The following NRXN3 variants were observed in gnomAD, a reference collection of about 807,000 sequenced individuals.
NRXN3 encodes the protein neurexin III.
Under a neutral mutation model 137.6 loss-of-function variants are expected in NRXN3, and 32 were observed. The ratio of observed to expected loss-of-function variants is 0.23; its 90% CI spans 0.18 to 0.31. The LOEUF is 0.31. Among genes scored for constraint, NRXN3 ranks in the 10% least tolerant of loss-of-function variants. NRXN3 has a pLI of 1.00. For missense variants in NRXN3, 1,574 were observed against 2,062.5 expected (o/e 0.76, Z 4.59); for synonymous variants, 798 against 784.5 (o/e 1.02, Z -0.29).
intron 15 of NRXN3, among the ~76,000 whole-genome samples, chr14:79,239,979 A>C (rs947678925): frequency 6.6e-6 from 1 of 152,172 alleles, no homozygotes; most frequent in African/African-American, 2.4e-5. Flanking sequence ...AGAGGCAGAG[A>C]ATAGAATAGT....
intron 6 of NRXN3, among the ~76,000 whole-genome samples, chr14:78,703,131 T>G (rs2098305535): frequency 6.6e-6 from 1 of 152,226 alleles, no homozygotes; most frequent in Non-Finnish European, 1.5e-5. Flanking sequence ...AGCACCTATA[T>G]AGTTAGGAGC....
intron 6 of NRXN3, among the ~76,000 whole-genome samples, chr14:78,662,106 A>G (rs1327435478): frequency 6.6e-6 from 1 of 151,634 alleles, no homozygotes; most frequent in African/African-American, 2.4e-5. Context: ...AAACTCCTTC[A>G]AGCGATCCAT....
At chr14:78,304,594 C>T (rs369237124) in intron 4 of NRXN3, among the ~76,000 whole-genome samples, 8 of 152,214 alleles carry the variant, frequency 5.3e-5, no homozygotes, top group African/African-American at 1.7e-4. Context: ...GGCCTTCTTC[C>T]CCTTCTTCTA....
At chr14:78,340,807 G>A (rs1451310088) in intron 4 of NRXN3, among the ~76,000 whole-genome samples, 3 of 152,202 alleles carry the variant, frequency 2.0e-5, no homozygotes, top group Non-Finnish European at 4.4e-5. Flanking sequence ...TCATGGAGAG[G>A]AGAAATAGAT....
chr14:79,473,049 T>C (rs2096528849), intron 16 of NRXN3, among the ~76,000 whole-genome samples: 2 of 152,144 alleles, frequency 1.3e-5, no homozygotes, highest in South Asian at 4.1e-4. Context: ...ACAGTGAAAA[T>C]TTATGTGTTA....
chr14:79,450,857 C>G (rs1191699462), intron 15 of NRXN3, among the ~76,000 whole-genome samples: 2 of 150,402 alleles, frequency 1.3e-5, no homozygotes, highest in East Asian at 3.9e-4. Flanking sequence ...CAGAGTGAGA[C>G]TCTGTCTCAA....
At position 79,259,202 on chromosome 14, in the gene NRXN3, G is replaced by T. The variant is rs567353806; in HGVS notation, c.3263-208019G>T. On this transcript the variant is annotated intron_variant, in intron 15 of 20. Coordinates refer to ENST00000335750, the MANE Select transcript of NRXN3 (RefSeq NM_001330195.2). Reference sequence around the variant, plus strand: ...CTTAGTTTGTCCCTTGGTAGGGCAAGGAAGGTTGTGAGCTTTTGTTCGTGA... The same window carrying T: ...CTTAGTTTGTCCCTTGGTAGGGCAATGAAGGTTGTGAGCTTTTGTTCGTGA... Among the ~76,000 whole-genome samples, 59 of 152,304 alleles carry T rather than the reference G, an allele frequency of 3.9e-4. 1 individual carries two copies. The highest frequency in any genetic ancestry group is 1.3e-3 in the African/African-American group (53 of 41,558).
intron 16 of NRXN3, among the ~76,000 whole-genome samples, chr14:79,631,995 G>A (rs1272927875): frequency 2.0e-5 from 3 of 152,154 alleles, no homozygotes; most frequent in African/African-American, 7.2e-5. Flanking sequence ...GGCCAGATAA[G>A]GAAATAAAAG....
chr14:78,407,798 A>T (rs528774503), intron 4 of NRXN3, among the ~76,000 whole-genome samples: 2 of 152,150 alleles, frequency 1.3e-5, no homozygotes, highest in African/African-American at 4.8e-5. Flanking sequence ...TATTGATTTT[A>T]TATCCAAATT....
At chr14:78,256,545 T>C (rs2069643623) in intron 2 of NRXN3, among the ~76,000 whole-genome samples, 1 of 152,214 alleles carries the variant, frequency 6.6e-6, no homozygotes, top group African/African-American at 2.4e-5. Context: ...TGTTTGATTA[T>C]GCACATCATG....
At chr14:79,059,448 G>A (rs1013475571) in intron 15 of NRXN3, among the ~76,000 whole-genome samples, 5 of 151,622 alleles carry the variant, frequency 3.3e-5, no homozygotes, top group Admixed American at 6.6e-5. Context: ...TAGTAGAGAC[G>A]GGGTTTCACC....
chr14:78,743,597 C>T (rs2098592688), intron 8 of NRXN3, among the ~76,000 whole-genome samples: 1 of 152,174 alleles, frequency 6.6e-6, no homozygotes, highest in African/African-American at 2.4e-5. Flanking sequence ...AAAGATAACT[C>T]TTATCACATA....
At position 78,789,772 on chromosome 14, in the gene NRXN3, TC is replaced by T. The variant is rs900827493; in HGVS notation, c.2045-13845del. ...TGCTGTTTCCTCAGCCAGAGTGCCTTCCCACTCTTCTCTTTGCTCTTTACTC... is the reference window on the plus strand; with the variant it reads ...TGCTGTTTCCTCAGCCAGAGTGCCTTCCACTCTTCTCTTTGCTCTTTACTC... On this transcript the variant is annotated intron_variant, in intron 8 of 20. Coordinates refer to ENST00000335750, the MANE Select transcript of NRXN3 (RefSeq NM_001330195.2). Among the ~76,000 whole-genome samples, 54 of 152,162 alleles carry T rather than the reference TC, an allele frequency of 3.5e-4. 1 individual carries two copies. The highest frequency in any genetic ancestry group is 1.3e-3 in the African/African-American group (53 of 41,464).
intron 10 of NRXN3, among the ~76,000 whole-genome samples, chr14:78,880,103 A>G (rs1009393541): frequency 3.4e-5 from 5 of 147,034 alleles, no homozygotes; most frequent in African/African-American, 1.3e-4. Context: ...AGCCGGGCGT[A>G]GTGGCGGGCG....
chr14:79,406,366 T>C (rs1466698509), intron 15 of NRXN3, among the ~76,000 whole-genome samples: 5 of 151,734 alleles, frequency 3.3e-5, no homozygotes, highest in Non-Finnish European at 7.4e-5. Flanking sequence ...GTACAGTGAT[T>C]CAATCCTGGC....
intron 15 of NRXN3, among the ~76,000 whole-genome samples, chr14:79,289,656 G>A (rs546179233): frequency 1.3e-5 from 2 of 152,152 alleles, no homozygotes; most frequent in South Asian, 2.1e-4. Context: ...CCTTCTAATA[G>A]GTTCCTGGCT....
At chr14:78,446,919 A>G (rs963443739) in intron 4 of NRXN3, among the ~76,000 whole-genome samples, 1 of 152,182 alleles carries the variant, frequency 6.6e-6, no homozygotes, top group Non-Finnish European at 1.5e-5. Context: ...GATGCATGAC[A>G]TGGTCCCTCA....
chr14:79,517,896 CTTTTTTTTTTTTTTT>C lies in NRXN3; in HGVS notation c.3444+50507_3444+50521del, dbSNP rs34241975. ...TTCTTTCAGAGTTTTCCTGACTTTC[CTTTTTTTTTTTTTTT>C]TTTTTTTTTTTTGAGACAGTGTCTC... On this transcript the variant is annotated intron_variant, in intron 16 of 20. Coordinates refer to ENST00000335750, the MANE Select transcript of NRXN3 (RefSeq NM_001330195.2). Among the ~76,000 whole-genome samples, 12 of 73,354 alleles carry C rather than the reference CTTTTTTTTTTTTTTT, an allele frequency of 1.6e-4. No homozygotes were observed. In the Admixed American group the frequency reaches 1.7e-3, roughly 10 times the overall value. The allele number at this position is 73,354 out of a possible 152,430, so 48.1% of individuals were successfully genotyped here. A position where few individuals can be genotyped will look rare whatever the true frequency, so the allele number is the denominator to read the frequency against.
At chr14:78,326,967 A>G (rs987576095) in intron 4 of NRXN3, among the ~76,000 whole-genome samples, 3 of 151,598 alleles carry the variant, frequency 2.0e-5, no homozygotes, top group Non-Finnish European at 2.9e-5. Flanking sequence ...GAGTTTCCTC[A>G]TCTGTAGAAT....
Sources: gnomAD v4.1 joint callset for allele counts (sites outside exome capture counted in the v4.1 genomes callset) on GRCh38, gnomAD v4.1.1 for gene constraint, MANE v1.5 for transcripts, NCBI Gene and HGNC (gene_info 2026-07-23, HGNC 2026-07-21) for gene names.